Variants in FAM228A observed in about 807,000 individuals in gnomAD.
The protein encoded by FAM228A is protein FAM228A.
FAM228A carries 13 observed loss-of-function variants against 18.6 expected under a neutral mutation model. That is an observed-to-expected ratio of 0.70 (90% confidence interval 0.45 to 1.11). The LOEUF (loss-of-function observed/expected upper bound fraction) is 1.11. Among genes scored for constraint, FAM228A ranks in the 50% least tolerant of loss-of-function variants. The pLI is 0.00. For missense variants in FAM228A, 240 were observed against 242.2 expected (o/e 0.99, Z 0.06); for synonymous variants, 77 against 86.6 (o/e 0.89, Z 0.61).
rs117584821 is a variant in FAM228A, at chr2:24,188,364, A to G, written c.402-2048A>G. The G allele has an allele frequency of 7.5e-5, 65 of 866,154 alleles. 1 individual carries two copies. In the East Asian group the frequency reaches 3.8e-3, roughly 50 times the overall value. 53.7% of individuals were successfully genotyped at this position (866,154 alleles called of 1,614,324 possible). A position where few individuals can be genotyped will look rare whatever the true frequency, so the allele number is the denominator to read the frequency against. ...CCATCATCTAAGTATTAAGCCCAGCATGCATTAGCTATTTTTCCTAATGCT... is the reference window on the plus strand; with the variant it reads ...CCATCATCTAAGTATTAAGCCCAGCGTGCATTAGCTATTTTTCCTAATGCT... On this transcript the variant is annotated intron_variant, in intron 5 of 5. Coordinates refer to ENST00000295150, the MANE Select transcript of FAM228A (RefSeq NM_001040710.3).
In FAM228A at chr2:24,183,573, C is replaced by T. The variant is rs1667868057; in HGVS notation, c.329C>T (p.Thr110Ile). 1 of 1,614,108 alleles carries T rather than the reference C, an allele frequency of 6.2e-7. No homozygotes were observed. The highest frequency in any genetic ancestry group is 8.5e-7 in the Non-Finnish European group (1 of 1,179,964). Residue 110 changes from threonine (T) to isoleucine (I), a missense_variant, in exon 5 of 6, where the codon ACT becomes ATT. Thr to Ile is a moderately conservative substitution (Grantham distance 89). Transcript: ENST00000295150. ...GCCAGCTCGCCCTACTTCACTTTCA[C>T]TTCACACTGTGTGATTCCAAAAGAG... ...LHASSPYFTF[T>I]SHCVIPKEWH...
chr2:24,181,279 A>G (rs1161486558), intron 3 of FAM228A, among the ~76,000 whole-genome samples: 1 of 152,258 alleles, frequency 6.6e-6, no homozygotes, highest in African/African-American at 2.4e-5. Context: ...GAATCTTGCA[A>G]AACAGTTTGT....
chr2:24,178,429 C>G (rs958752815), intron 3 of FAM228A, among the ~76,000 whole-genome samples: 2 of 151,960 alleles, frequency 1.3e-5, no homozygotes, highest in African/African-American at 4.8e-5. Context: ...AAAAAATTAG[C>G]CAGACATGGT....
At chr2:24,182,408 C>G (rs376521889) in intron 3 of FAM228A, among the ~76,000 whole-genome samples, 1 of 152,094 alleles carries the variant, frequency 6.6e-6, no homozygotes, top group Non-Finnish European at 1.5e-5. Context: ...ATTATGTTGC[C>G]TAGTTTATTC....
In FAM228A at chr2:24,191,137, T is replaced by G; in HGVS notation, c.*506T>G. 1.0e-6 allele frequency: 1 copy of G among 985,644 alleles called. No individual in the cohort carries two copies. The highest frequency in any genetic ancestry group is 1.2e-6 in the Non-Finnish European group (1 of 830,098). The allele number at this position is 985,644 out of a possible 1,614,324, so 61.1% of individuals were successfully genotyped here. The stretch of plus-strand genomic sequence containing the variant: ...TGGATTTCTTATCCAGAGCTCATGG[T>G]TCATTTGACACAGTTTTCAGCTCCT... On this transcript the variant is annotated 3_prime_UTR_variant, in exon 6 of 6. Transcript: ENST00000295150.
chr2:24,175,751 C>A, intron 2 of FAM228A, 178 bp downstream of exon 2: 2 of 751,560 alleles, frequency 2.7e-6, no homozygotes, highest in South Asian at 1.9e-5. Context: ...AGAGTGTTTC[C>A]AGTCGCCAGC....
intron 5 of FAM228A, among the ~76,000 whole-genome samples, chr2:24,185,602 T>C (rs902857922): frequency 1.3e-5 from 2 of 152,196 alleles, no homozygotes. Context: ...ATGAACATGG[T>C]ATATATCTCT....
At position 24,190,547 on chromosome 2, in the gene FAM228A, G is replaced by C; in HGVS notation, c.537G>C (p.Lys179Asn). Residue 179 changes from lysine to asparagine, a missense_variant, in exon 6 of 6, where the codon AAG becomes AAC. Physicochemically the swap from Lys to Asn is moderately conservative, Grantham distance 94. Coordinates refer to ENST00000295150, the MANE Select transcript of FAM228A (RefSeq NM_001040710.3). ...AGAAGAACAAAGTGGGTGAAAGAAAGGGTCTGGTGAGCAGAGGCCTGGGGC... is the reference window on the plus strand; with the variant it reads ...AGAAGAACAAAGTGGGTGAAAGAAACGGTCTGGTGAGCAGAGGCCTGGGGC... ...LSQKNKVGERKGLVSRGLGRG... is the reference protein window; with the variant it reads ...LSQKNKVGERNGLVSRGLGRG... 4 of 1,614,028 alleles carry C rather than the reference G, an allele frequency of 2.5e-6. No homozygotes were observed. Among genetic ancestry groups the C allele is most frequent in the Non-Finnish European group, 3.4e-6 (4 of 1,179,994 alleles).
chr2:24,179,888 T>C (rs1667775849), intron 3 of FAM228A, among the ~76,000 whole-genome samples: 1 of 152,210 alleles, frequency 6.6e-6, no homozygotes, highest in South Asian at 2.1e-4. Flanking sequence ...GGAAAGCCAC[T>C]GTGGCTTTCT....
chr2:24,175,731 A>T (rs1349795667), intron 2 of FAM228A, 158 bp downstream of exon 2: 1 of 734,942 alleles, frequency 1.4e-6, no homozygotes, highest in Non-Finnish European at 2.2e-6. Flanking sequence ...TTTGGCCGAG[A>T]GTGTGGCCAA....
chr2:24,182,526 A>T (rs1007846874), intron 3 of FAM228A, among the ~76,000 whole-genome samples: 3 of 152,130 alleles, frequency 2.0e-5, no homozygotes, highest in African/African-American at 7.2e-5. Context: ...GCGGGAAGAA[A>T]AAATACTTCT....
intron 3 of FAM228A, among the ~76,000 whole-genome samples, chr2:24,180,146 A>G (rs1030207910): frequency 2.2e-4 from 34 of 151,636 alleles, no homozygotes; most frequent in Non-Finnish European, 8.8e-5. Flanking sequence ...TCTTACCCCC[A>G]CATATCTAGT....
At chr2:24,188,592 A>G (rs926642466) in intron 5 of FAM228A, 1 of 985,312 alleles carries the variant, frequency 1.0e-6, no homozygotes, top group African/African-American at 1.7e-5. Context: ...AAAGACAAAA[A>G]TCCACCAAAG....
chr2:24,177,476 A>T (rs1667717361), intron 2 of FAM228A, among the ~76,000 whole-genome samples: 1 of 152,162 alleles, frequency 6.6e-6, no homozygotes, highest in African/African-American at 2.4e-5. Flanking sequence ...TGAATGCCTG[A>T]AAAGAGGATT....
intron 2 of FAM228A, chr2:24,175,866 A>G: frequency 8.8e-7 from 1 of 1,136,534 alleles, no homozygotes; most frequent in Non-Finnish European, 1.1e-6. Flanking sequence ...AATTCTGCAT[A>G]CTTCAGCGTC....
At position 24,175,523 on chromosome 2, in the gene FAM228A, C is replaced by G. The variant is rs372838900; in HGVS notation, c.43C>G (p.Pro15Ala). The change falls in exon 2 of 6, where the codon CCA (proline) becomes GCA (alanine). Residue 15 changes from proline (P) to alanine (A), a missense_variant. By Grantham distance (27) the Pro-to-Ala change is conservative (BLOSUM62 -1). Transcript: ENST00000295150. ...TGCGAGTTATGATGAACATTTCAGG[C>G]CAGAAAAGTTAAGAGAATGGCCGGA... ...KTASYDEHFR[P>A]EKLREWPEPE... 1.2e-6 allele frequency: 2 copies of G among 1,614,210 alleles called. No homozygotes were observed. The highest frequency in any genetic ancestry group is 3.3e-5 in the Admixed American group (2 of 60,038).
intron 5 of FAM228A, among the ~76,000 whole-genome samples, chr2:24,184,178 G>A (rs1200223529): frequency 6.6e-6 from 1 of 152,108 alleles, no homozygotes; most frequent in African/African-American, 2.4e-5. Flanking sequence ...TCAGGAGTTT[G>A]AGACTAGCCT....
Position 24,175,522 on chromosome 2 carries a change from G to T in FAM228A, c.42G>T (p.Arg14Ser), listed in dbSNP as rs1667659029. The change falls in exon 2 of 6, where the codon AGG (arginine) becomes AGT (serine). Residue 14 changes from arginine to serine, a missense_variant. Coordinates refer to ENST00000295150, the MANE Select transcript of FAM228A (RefSeq NM_001040710.3). ...TKTASYDEHF[R>S]PEKLREWPEP... ...CTGCGAGTTATGATGAACATTTCAG[G>T]CCAGAAAAGTTAAGAGAATGGCCGG... The T allele has an allele frequency of 2.5e-6, 4 of 1,614,234 alleles. No homozygotes were observed. In the East Asian group the frequency reaches 8.9e-5, roughly 36 times the overall value.
At chr2:24,177,550 TA>T (rs397744045) in intron 2 of FAM228A, among the ~76,000 whole-genome samples, 1 of 151,290 alleles carries the variant, frequency 6.6e-6, no homozygotes, top group African/African-American at 2.4e-5. Flanking sequence ...GGATTTTTTT[TA>T]AATAGTCTGG....
Sources: allele counts gnomAD v4.1 joint callset (sites outside exome capture counted in the v4.1 genomes callset), GRCh38; gene constraint gnomAD v4.1.1; transcripts MANE v1.5; gene names NCBI Gene and HGNC (gene_info 2026-07-23, HGNC 2026-07-21).